Variants in SESN1 observed in about 807,000 individuals in gnomAD.
The protein encoded by SESN1 is sestrin 1, also known as sestrin-1.
SESN1 carries 30 observed loss-of-function variants against 59.3 expected under a neutral mutation model. The observed-to-expected ratio is 0.51, with a 90% CI of 0.38 to 0.69. SESN1 has a LOEUF of 0.69. Among genes scored for constraint, SESN1 ranks in the 30% least tolerant of loss-of-function variants. SESN1 has a pLI of 0.00. For missense variants in SESN1, 566 were observed against 673.0 expected, an observed-to-expected ratio of 0.84 and a Z score of 1.76; for synonymous variants, 197 against 219.9, an observed-to-expected ratio of 0.90 and a Z score of 0.92.
chr6:109,005,111 T>G (rs1336997784), intron 1 of SESN1, among the ~76,000 whole-genome samples: 1 of 152,204 alleles, frequency 6.6e-6, no homozygotes, highest in Non-Finnish European at 1.5e-5. Flanking sequence ...TGAAATGCCA[T>G]ACGTAAAAGG....
intron 1 of SESN1, among the ~76,000 whole-genome samples, chr6:109,038,404 A>G (rs1355058115): frequency 6.6e-6 from 1 of 152,228 alleles, no homozygotes. Flanking sequence ...AGGCAGGAGA[A>G]TTGCTTGAAC....
rs1479187808 is a variant in SESN1 at position 109,046,481 on chromosome 6, T to C, written c.280-44138A>G. On this transcript the variant is annotated intron_variant, in intron 1 of 9. Coordinates refer to ENST00000436639, the MANE Select transcript of SESN1 (RefSeq NM_014454.3). ...GCCTTGGCCTCCCAAAGTGCCGAGA[T>C]TGCAGCCTCTGCCCGGCCGCCACCC... is the stretch of plus-strand genomic sequence containing the variant. Among the ~76,000 whole-genome samples the C allele has an allele frequency of 1.0e-4, 15 of 148,512 alleles. No homozygotes were observed. The South Asian group carries it at 3.1e-3, about 31-fold the overall frequency.
intron 1 of SESN1, among the ~76,000 whole-genome samples, chr6:109,072,334 T>C (rs529788946): frequency 6.6e-6 from 1 of 152,346 alleles, no homozygotes; most frequent in East Asian, 1.9e-4. Context: ...TTTTATTGTA[T>C]AGTGGGTGAT....
chr6:109,019,196 CACACACAA>C (rs1297911329), intron 1 of SESN1, among the ~76,000 whole-genome samples: 1 of 152,108 alleles, frequency 6.6e-6, no homozygotes, highest in Non-Finnish European at 1.5e-5. Flanking sequence ...TTTTTACACA[CACACACAA>C]ACACACACAC....
chr6:108,994,549 A>T lies in SESN1; in HGVS notation c.1033T>A (p.Cys345Ser), dbSNP rs757704028. ...TGACTTGCCTCTTCTTCATCTCGAC[A>T]TTCCTGTAACTGCCTCATCTTTTCC... ...LMEKMRQLQE[C>S]RDEEEASQEE... The change falls in exon 6 of 10, where the codon TGT becomes AGT. Residue 345 changes from cysteine (C) to serine (S), a missense_variant. By Grantham distance (112) the Cys-to-Ser change is moderately radical. Coordinates refer to ENST00000436639, the MANE Select transcript of SESN1 (RefSeq NM_014454.3). The T allele has an allele frequency of 2.1e-5, 34 of 1,613,604 alleles. No homozygotes were observed. The highest frequency in any genetic ancestry group is 2.7e-5 in the Non-Finnish European group (32 of 1,179,824).
Position 108,998,772 on chromosome 6 carries a change from A to G in SESN1, c.730-17T>C. 6.3e-7 allele frequency: 1 copy of G among 1,592,126 alleles called. No individual in the cohort carries two copies. The highest frequency in any genetic ancestry group is 8.6e-7 in the Non-Finnish European group (1 of 1,168,018). ...TAAAAGTCCCTTAGGGGGAAAAAAA[A>G]AAAGAATATATTTTTGTACTGGGGT... On this transcript the variant is annotated splice_polypyrimidine_tract_variant and intron_variant, in intron 4 of 9. Transcript: ENST00000436639.
chr6:108,988,700 A>AT lies in SESN1; in HGVS notation c.1425-14dup. ...ATAATCATCATATCTGTTGAAAGAC[A>AT]TAATGAGAATTATGATATTTTCAGT... On this transcript the variant is annotated splice_polypyrimidine_tract_variant and intron_variant, in intron 8 of 9. Coordinates refer to ENST00000436639, the MANE Select transcript of SESN1 (RefSeq NM_014454.3). The AT allele has an allele frequency of 6.3e-7, 1 of 1,583,782 alleles. No homozygotes were observed. Among genetic ancestry groups the AT allele is most frequent in the Non-Finnish European group, 8.6e-7 (1 of 1,163,836 alleles).
intron 1 of SESN1, chr6:109,090,772 T>A (rs1479231703): frequency 6.6e-6 from 1 of 152,144 alleles, no homozygotes; most frequent in African/African-American, 2.4e-5. Flanking sequence ...TAACTTTTGT[T>A]TGTTTGTTTG....
chr6:109,010,455 T>C (rs1049840891), intron 1 of SESN1, among the ~76,000 whole-genome samples: 17 of 152,178 alleles, frequency 1.1e-4, no homozygotes, highest in African/African-American at 3.4e-4. Context: ...ACAAAAAAAG[T>C]TGGAACATTC....
Position 109,094,440 on chromosome 6 carries a change from A to G in SESN1, c.-367T>C. 4.3e-6 allele frequency: 1 copy of G among 234,338 alleles called. No individual in the cohort carries two copies. The highest frequency in any genetic ancestry group is 6.3e-5 in the South Asian group (1 of 15,862). 14.5% of individuals were successfully genotyped at this position (234,338 alleles called of 1,614,324 possible). A position where few individuals can be genotyped will look rare whatever the true frequency, so the allele number is the denominator to read the frequency against. On this transcript the variant is annotated 5_prime_UTR_variant, in exon 1 of 10. Coordinates refer to ENST00000436639, the MANE Select transcript of SESN1 (RefSeq NM_014454.3). ...TGTCAAATCCGTGCTCTGCCCCAAA[A>G]GGCTGTTAACAGCTGAACGCCCTCC...
chr6:109,014,472 A>G (rs1779902867), intron 1 of SESN1, among the ~76,000 whole-genome samples: 1 of 152,236 alleles, frequency 6.6e-6, no homozygotes, highest in African/African-American at 2.4e-5. Context: ...CCAAAGCAGC[A>G]GTCACTATAT....
intron 1 of SESN1, among the ~76,000 whole-genome samples, chr6:109,082,022 T>C (rs1004891562): frequency 1.3e-5 from 2 of 152,184 alleles, no homozygotes; most frequent in South Asian, 4.1e-4. Context: ...TTACTGGCAA[T>C]ACCGGCATAC....
intron 1 of SESN1, among the ~76,000 whole-genome samples, chr6:109,073,208 C>T (rs1780968556): frequency 6.6e-6 from 1 of 151,498 alleles, no homozygotes; most frequent in Non-Finnish European, 1.5e-5. Flanking sequence ...TAAAGTGGCA[C>T]CTGCAAAAAA....
Position 108,986,859 on chromosome 6 carries a change from T to C in SESN1, c.*685A>G, listed in dbSNP as rs999222867. 1.3e-5 allele frequency: 2 copies of C among 152,256 alleles called. No individual in the cohort carries two copies. The highest frequency in any genetic ancestry group is 2.4e-5 in the African/African-American group (1 of 41,462). 9.4% of individuals were successfully genotyped at this position (152,256 alleles called of 1,614,324 possible). On this transcript the variant is annotated 3_prime_UTR_variant, in exon 10 of 10. Transcript: ENST00000436639. ...CACACTTTCATTTAGGATTGCTTTT[T>C]GAAGAAAATCTTTAAGAATGCCATT...
chr6:109,061,591 G>A (rs1278261805), intron 1 of SESN1, among the ~76,000 whole-genome samples: 1 of 152,098 alleles, frequency 6.6e-6, no homozygotes, highest in African/African-American at 2.4e-5. Context: ...ACTGCTTGAG[G>A]TCAGGAGTTC....
chr6:109,040,931 C>T (rs1230701443), intron 1 of SESN1, among the ~76,000 whole-genome samples: 3 of 151,828 alleles, frequency 2.0e-5, no homozygotes, highest in Admixed American at 6.6e-5. Context: ...GGATTACAGG[C>T]GTGAGCCACC....
chr6:108,987,714 A>G, intron 9 of SESN1, 84 bp from the exon 10 acceptor site: 1 of 732,802 alleles, frequency 1.4e-6, no homozygotes. Flanking sequence ...AACACATAAA[A>G]TAAGTACACT....
At chr6:109,004,893 A>G (rs1779701786) in intron 1 of SESN1, among the ~76,000 whole-genome samples, 1 of 152,208 alleles carries the variant, frequency 6.6e-6, no homozygotes, top group East Asian at 1.9e-4. Flanking sequence ...CACAGGCTGT[A>G]TTGGAGAAAG....
At chr6:109,019,603 T>G (rs1779978158) in intron 1 of SESN1, among the ~76,000 whole-genome samples, 1 of 152,206 alleles carries the variant, frequency 6.6e-6, no homozygotes, top group Non-Finnish European at 1.5e-5. Context: ...TATCCTTTAG[T>G]GACACACATG....
Sources: allele counts gnomAD v4.1 joint callset (sites outside exome capture counted in the v4.1 genomes callset), GRCh38; gene constraint gnomAD v4.1.1; transcripts MANE v1.5; gene names NCBI Gene and HGNC (gene_info 2026-07-23, HGNC 2026-07-21).